The following SPHKAP variants were observed in gnomAD, a reference collection of about 807,000 sequenced individuals.
SPHKAP encodes A-kinase anchor protein SPHKAP.
In SPHKAP, 67 loss-of-function variants were observed where a neutral mutation model predicts 137.5. The observed-to-expected ratio is 0.49, with a 90% CI of 0.40 to 0.60. SPHKAP has a LOEUF of 0.60. SPHKAP is among the 20% of genes least tolerant of loss of function. SPHKAP has a pLI of 0.00. For missense variants in SPHKAP, 2,097 were observed against 2,069.3 expected, an observed-to-expected ratio of 1.01 and a Z score of -0.26; for synonymous variants, 813 against 785.3, an observed-to-expected ratio of 1.04 and a Z score of -0.59.
rs375252049 is a variant in SPHKAP, at chr2:228,136,321, G to A, written c.33-4236C>T. Among the ~76,000 whole-genome samples the A allele has an allele frequency of 2.6e-5, 4 of 152,224 alleles. No homozygotes were observed. The South Asian group carries it at 8.3e-4, about 32-fold the overall frequency. On this transcript the variant is annotated intron_variant, in intron 1 of 11. Transcript: ENST00000392056. The stretch of plus-strand genomic sequence containing the variant: ...GAAACCGTTAAGTGTGTTTCAATGA[G>A]GATGTACATAAACATGGGAAAGAAG...
chr2:228,054,779 T>C (rs1696377940), intron 3 of SPHKAP, among the ~76,000 whole-genome samples: 1 of 152,066 alleles, frequency 6.6e-6, no homozygotes, highest in Non-Finnish European at 1.5e-5. Context: ...CCAAGACTCA[T>C]TGAGTGTGGG....
chr2:228,099,059 G>GT (rs1274776461), intron 3 of SPHKAP, among the ~76,000 whole-genome samples: 2 of 151,958 alleles, frequency 1.3e-5, no homozygotes, highest in Non-Finnish European at 2.9e-5. Flanking sequence ...GTCAATTTTT[G>GT]TTTTTGTTGC....
intron 11 of SPHKAP, among the ~76,000 whole-genome samples, chr2:227,984,299 C>CA (rs61461358): frequency 0.093 from 4,821 of 52,008 alleles, 153 homozygotes; most frequent in Admixed American, 0.1. Flanking sequence ...GACTCCATCT[C>CA]AAAAAAAAAA....
chr2:228,113,540 C>G (rs1036956029), intron 2 of SPHKAP, among the ~76,000 whole-genome samples: 2 of 150,122 alleles, frequency 1.3e-5, no homozygotes, highest in Non-Finnish European at 3.0e-5. Context: ...AGGCAGTGTT[C>G]CATTGAAATT....
intron 7 of SPHKAP, among the ~76,000 whole-genome samples, chr2:228,006,384 G>C (rs1484096849): frequency 6.6e-6 from 1 of 152,146 alleles, no homozygotes; most frequent in Non-Finnish European, 1.5e-5. Flanking sequence ...ACGGTTTTCA[G>C]CTTCATCAGG....
intron 7 of SPHKAP, among the ~76,000 whole-genome samples, chr2:228,012,876 T>C (rs974962733): frequency 6.6e-6 from 1 of 152,246 alleles, no homozygotes; most frequent in Non-Finnish European, 1.5e-5. Context: ...AGAAGTCCAA[T>C]AAATTCTGAA....
chr2:228,157,383 A>G (rs1218516143), intron 1 of SPHKAP, among the ~76,000 whole-genome samples: 2 of 152,218 alleles, frequency 1.3e-5, no homozygotes, highest in African/African-American at 4.8e-5. Flanking sequence ...AAAGTAAATT[A>G]CATGTTTCCA....
chr2:228,092,148 T>TAC (rs1574841335), intron 3 of SPHKAP, among the ~76,000 whole-genome samples: 1 of 125,818 alleles, frequency 7.9e-6, no homozygotes, highest in East Asian at 2.3e-4. Flanking sequence ...TACACATATA[T>TAC]ACATATACAT....
At chr2:228,096,091 T>G (rs947692370) in intron 3 of SPHKAP, among the ~76,000 whole-genome samples, 12 of 152,134 alleles carry the variant, frequency 7.9e-5, no homozygotes, top group Admixed American at 2.6e-4. Context: ...CAAGAACTTA[T>G]GGGGCAGCAA....
intron 3 of SPHKAP, among the ~76,000 whole-genome samples, chr2:228,043,716 A>G (rs914972894): frequency 3.3e-5 from 5 of 152,242 alleles, no homozygotes; most frequent in Middle Eastern, 3.2e-3. Flanking sequence ...AACTTTGACT[A>G]TGGTGTAAGA....
intron 3 of SPHKAP, among the ~76,000 whole-genome samples, chr2:228,106,939 T>G (rs1698360148): frequency 6.6e-6 from 1 of 152,192 alleles, no homozygotes; most frequent in Admixed American, 6.5e-5. Context: ...TAAAAATGTT[T>G]TAAGTTTTAA....
intron 1 of SPHKAP, among the ~76,000 whole-genome samples, chr2:228,164,194 G>A (rs919334418): frequency 6.7e-6 from 1 of 148,994 alleles, no homozygotes; most frequent in African/African-American, 2.5e-5. Flanking sequence ...TTCAGCCTTT[G>A]GACCCTTGGA....
intron 3 of SPHKAP, among the ~76,000 whole-genome samples, chr2:228,088,529 G>A (rs997642698): frequency 7.9e-5 from 12 of 152,080 alleles, no homozygotes; most frequent in East Asian, 1.9e-4. Flanking sequence ...AACATAATAC[G>A]AGACATATAA....
At chr2:228,091,143 T>C (rs777488125) in intron 3 of SPHKAP, among the ~76,000 whole-genome samples, 3 of 151,904 alleles carry the variant, frequency 2.0e-5, no homozygotes, top group Admixed American at 1.3e-4. Flanking sequence ...ATAAATAGGT[T>C]GAAAGTAAAA....
At chr2:228,079,471 G>A (rs1028929713) in intron 3 of SPHKAP, among the ~76,000 whole-genome samples, 1 of 152,172 alleles carries the variant, frequency 6.6e-6, no homozygotes, top group African/African-American at 2.4e-5. Context: ...TGGACCCCAT[G>A]GAGTGAGGTT....
chr2:228,167,191 A>T (rs376187991), intron 1 of SPHKAP, among the ~76,000 whole-genome samples: 3 of 152,306 alleles, frequency 2.0e-5, no homozygotes, highest in East Asian at 3.9e-4. Context: ...TCTAGTTAGG[A>T]TGTTCTCTGA....
At chr2:228,096,271 G>C (rs1252435702) in intron 3 of SPHKAP, among the ~76,000 whole-genome samples, 2 of 152,104 alleles carry the variant, frequency 1.3e-5, no homozygotes, top group East Asian at 3.9e-4. Context: ...TTGGATACTT[G>C]GGTGCAATTA....
chr2:228,045,041 C>T (rs370720249), intron 3 of SPHKAP, among the ~76,000 whole-genome samples: 9,447 of 151,820 alleles, frequency 0.062, 408 homozygotes, highest in Non-Finnish European at 0.087. Context: ...ATCAAAACCA[C>T]GATGAGATAC....
chr2:228,073,362 A>G (rs1176658207), intron 3 of SPHKAP, among the ~76,000 whole-genome samples: 2 of 152,248 alleles, frequency 1.3e-5, no homozygotes, highest in Admixed American at 1.3e-4. Flanking sequence ...GGTCACTAAC[A>G]GACACTGCCT....
Sources: allele counts gnomAD v4.1 joint callset (sites outside exome capture counted in the v4.1 genomes callset), GRCh38; gene constraint gnomAD v4.1.1; transcripts MANE v1.5; gene names NCBI Gene and HGNC (gene_info 2026-07-23, HGNC 2026-07-21).